The following MACF1 variants were observed in gnomAD, a reference collection of about 807,000 sequenced individuals.
MACF1 encodes microtubule actin crosslinking factor 1.
A neutral mutation model predicts 854.8 loss-of-function variants in MACF1; 193 were observed. The observed-to-expected ratio is 0.23, with a 90% confidence interval of 0.20 to 0.25. The LOEUF (loss-of-function observed/expected upper bound fraction) is 0.25. Ranked by LOEUF, MACF1 falls within the 10% of genes least tolerant of loss-of-function variation. The probability of loss-of-function intolerance (pLI) is 1.00; values close to 1 mark genes in which losing one functional copy is unlikely to be tolerated. For missense variants in MACF1, 7,722 were observed against 8,929.1 expected, an observed-to-expected ratio of 0.86 and a Z score of 5.45; for synonymous variants, 3,185 against 3,226.7, an observed-to-expected ratio of 0.99 and a Z score of 0.44.
At chr1:39,140,270 T>C (rs1412766577) in intron 2 of MACF1, among the ~76,000 whole-genome samples, 4 of 152,316 alleles carry the variant, frequency 2.6e-5, no homozygotes, top group Non-Finnish European at 4.4e-5. Context: ...CTAAATCTTA[T>C]GACCTCAAAT....
Position 39,315,553 on chromosome 1 carries a change from A to C in MACF1, c.3311A>C (p.Asp1104Ala). 6.2e-7 allele frequency: 1 copy of C among 1,614,142 alleles called. No individual in the cohort carries two copies. Among genetic ancestry groups the C allele is most frequent in the Non-Finnish European group, 8.5e-7 (1 of 1,180,000 alleles). ...TTACAGCAATTGAGGTCAGACTTGG[A>C]TGCAGTTTCTATGAAATGTGACAGC... Reference protein sequence around the residue: ...EDLQQLRSDLDAVSMKCDSFL... With the variant: ...EDLQQLRSDLAAVSMKCDSFL... The change falls in exon 27 of 101, where the codon GAT (aspartate) becomes GCT (alanine). Residue 1104 changes from aspartate (D) to alanine (A), a missense_variant. By Grantham distance (126) the Asp-to-Ala change is moderately radical. Around this residue, in one of 15 missense-constraint regions of MACF1, gnomAD observed 1,137 missense variants for 1,263.0 expected, o/e 0.90. Coordinates refer to ENST00000564288, the MANE Select transcript of MACF1 (RefSeq NM_001394062.1).
At chr1:39,316,279 G>A (rs1239821917) in intron 27 of MACF1, 112 bp from the exon 28 acceptor site, 2 of 788,134 alleles carry the variant, frequency 2.5e-6, no homozygotes, top group Non-Finnish European at 3.7e-6. Flanking sequence ...TAAAAATGGT[G>A]ACATTGATTT....
rs762379649 is a variant in MACF1 at position 39,284,308 on chromosome 1, T to A, written c.1036-25T>A. ...TTGGGTCCTATAGTTTGTGTCCATT[T>A]ATTCACCAAATATTAATTTTATAGG... is the stretch of plus-strand genomic sequence containing the variant. On this transcript the variant is annotated intron_variant, in intron 10 of 100. Transcript: ENST00000564288. 21 of 1,567,270 alleles carry A rather than the reference T, an allele frequency of 1.3e-5. No individual in the cohort carries two copies. The Admixed American group carries it at 4.1e-4, about 31-fold the overall frequency.
At chr1:39,452,935 A>G (rs780711107) in intron 87 of MACF1, 123 bp downstream of exon 87, 24 of 1,150,938 alleles carry the variant, frequency 2.1e-5, no homozygotes, top group Non-Finnish European at 2.9e-5. Flanking sequence ...ACAAAACCAG[A>G]GTGGCCCTAG....
intron 6 of MACF1, among the ~76,000 whole-genome samples, chr1:39,277,564 C>A (rs1434282647): frequency 6.6e-6 from 1 of 152,154 alleles, no homozygotes; most frequent in Admixed American, 6.6e-5. Flanking sequence ...TTGGGATAAT[C>A]ATATGTTAGT....
chr1:39,315,525 G>A lies in MACF1; in HGVS notation c.3283G>A (p.Asp1095Asn), dbSNP rs1646396577. 4 of 1,613,908 alleles carry A rather than the reference G, an allele frequency of 2.5e-6. No homozygotes were observed. The highest frequency in any genetic ancestry group is 3.4e-6 in the Non-Finnish European group (4 of 1,179,966). The change falls in exon 27 of 101, where the codon GAT becomes AAT. Residue 1095 changes from aspartate to asparagine, a missense_variant. Asp to Asn is a conservative substitution (Grantham distance 23, BLOSUM62 1). Around this residue, in one of 15 missense-constraint regions of MACF1, gnomAD observed 1,137 missense variants for 1,263.0 expected, o/e 0.90. Coordinates refer to ENST00000564288, the MANE Select transcript of MACF1 (RefSeq NM_001394062.1). ...RIAEQEHTQE[D>N]LQQLRSDLDA... ...TTGTTCCTGGCAGCACACCCAGGAG[G>A]ATTTACAGCAATTGAGGTCAGACTT...
At chr1:39,147,601 C>G (rs1346361860) in intron 2 of MACF1, among the ~76,000 whole-genome samples, 1 of 151,890 alleles carries the variant, frequency 6.6e-6, no homozygotes, top group Non-Finnish European at 1.5e-5. Flanking sequence ...CTCACTGCAA[C>G]CTGAACATCC....
chr1:39,198,539 T>C (rs1210088086), intron 2 of MACF1, among the ~76,000 whole-genome samples: 2 of 151,456 alleles, frequency 1.3e-5, no homozygotes, highest in African/African-American at 4.9e-5. Context: ...TAATCCCAGC[T>C]ACTCAGGAGG....
chr1:39,115,713 A>G (rs1314938062), intron 2 of MACF1, among the ~76,000 whole-genome samples: 1 of 152,054 alleles, frequency 6.6e-6, no homozygotes, highest in African/African-American at 2.4e-5. Flanking sequence ...TGGCTTTAGG[A>G]GTGTATGTAT....
rs1346193704 is a variant in MACF1, at chr1:39,381,382, G to GT, written c.13649-571_13649-570insT. On this transcript the variant is annotated intron_variant, in intron 55 of 100. Transcript: ENST00000564288. ...TTTTTTTTTTTTTTTTTTTTTTGGG[G>GT]GGGGGGACAGGGTCTTGCTCTGTCA... Among the ~76,000 whole-genome samples the GT allele has an allele frequency of 1.2e-4, 17 of 143,238 alleles. No individual in the cohort carries two copies. The South Asian group carries it at 2.3e-3, about 19-fold the overall frequency. The allele number at this position is 143,238 out of a possible 152,430, so 94.0% of individuals were successfully genotyped here.
In MACF1 at chr1:39,444,153, G is replaced by A. The variant is rs563697647; in HGVS notation, c.19432-509G>A. On this transcript the variant is annotated intron_variant, in intron 79 of 100. Transcript: ENST00000564288. ...GATCAAGACCATCCTGGCTAACATG[G>A]TGAAACCTCGTCTCTACTAAAAATA... 8.5e-5 allele frequency among the ~76,000 whole-genome samples: 13 copies of A among 152,204 alleles called. No homozygotes were observed. The South Asian group carries it at 2.3e-3, about 27-fold the overall frequency.
intron 58 of MACF1, 64 bp downstream of exon 58, chr1:39,388,722 C>G (rs1440889582): frequency 7.0e-7 from 1 of 1,430,964 alleles, no homozygotes; most frequent in Non-Finnish European, 9.3e-7. Flanking sequence ...ACTTGGAAAC[C>G]AGTCAAGTAT....
At chr1:39,197,674 C>T (rs2148256767) in intron 2 of MACF1, among the ~76,000 whole-genome samples, 1 of 151,322 alleles carries the variant, frequency 6.6e-6, no homozygotes, top group African/African-American at 2.4e-5. Flanking sequence ...CTCTTAAGGC[C>T]AGGAGTTTGA....
chr1:39,134,034 C>CTTTTT lies in MACF1; in HGVS notation c.220+49616_220+49620dup, dbSNP rs754585049. On this transcript the variant is annotated intron_variant, in intron 2 of 93. Coordinates refer to the MACF1 transcript ENST00000361689. ...TAGATATTATCATCAGAAGAACAGT[C>CTTTTT]TTTTTTTTTTTTTTTTTTTTTTTTG... is the stretch of plus-strand genomic sequence containing the variant. Among the ~76,000 whole-genome samples the CTTTTT allele has an allele frequency of 6.7e-4, 48 of 71,628 alleles. 1 individual carries two copies. Among genetic ancestry groups the CTTTTT allele is most frequent in the Non-Finnish European group, 8.6e-4 (37 of 42,880 alleles). 47.0% of individuals were successfully genotyped at this position (71,628 alleles called of 152,430 possible).
chr1:39,465,199 G>A, intron 95 of MACF1, 87 bp downstream of exon 95: 2 of 1,348,578 alleles, frequency 1.5e-6, no homozygotes, highest in Non-Finnish European at 1.1e-6. Context: ...GGGAGAGGAT[G>A]TAATCTGAAG....
rs1644534212 is a variant in MACF1 at position 39,460,540 on chromosome 1, C to T, written c.21361-92C>T. The T allele has an allele frequency of 5.4e-6, 6 of 1,102,686 alleles. No individual in the cohort carries two copies. The South Asian group carries it at 5.5e-5, about 10-fold the overall frequency. The allele number at this position is 1,102,686 out of a possible 1,614,324, so 68.3% of individuals were successfully genotyped here. ...TTGTTGATGGCCCCTGGAAGCATGGCTTTACTGAATGTCTGAAAGTTTGGG... is the reference window on the plus strand; with the variant it reads ...TTGTTGATGGCCCCTGGAAGCATGGTTTTACTGAATGTCTGAAAGTTTGGG... On this transcript the variant is annotated intron_variant, in intron 91 of 100. Transcript: ENST00000564288. This position sits in a 1 kb window ranked among gnomAD's most constrained non-coding sequence, Gnocchi z 4.1.
rs1413742220 is a variant in MACF1, at chr1:39,350,894, C to T, written c.11075C>T (p.Thr3692Ile). The change falls in exon 43 of 101, where the codon ACA (threonine) becomes ATA (isoleucine). Residue 3692 changes from threonine to isoleucine, a missense_variant. Physicochemically the swap from Thr to Ile is moderately conservative, Grantham distance 89. Transcript: ENST00000564288. ...NQTKLSPREL[T>I]ALREKLHQAK... ...ACCAAGCTGAGCCCACGTGAGTTGA[C>T]AGCTCTTCGGGAAAAGCTTCATCAG... is the stretch of plus-strand genomic sequence containing the variant. The T allele has an allele frequency of 6.2e-7, 1 of 1,613,982 alleles. No individual in the cohort carries two copies. The highest frequency in any genetic ancestry group is 8.5e-7 in the Non-Finnish European group (1 of 1,179,994).
chr1:39,410,039 T>C (rs1642916868), intron 58 of MACF1: 1 of 434,056 alleles, frequency 2.3e-6, no homozygotes, highest in Admixed American at 3.9e-5. Flanking sequence ...AATTATATCG[T>C]CTGTCAACCA....
chr1:39,171,921 C>G (rs144853621), intron 2 of MACF1, among the ~76,000 whole-genome samples: 2 of 152,250 alleles, frequency 1.3e-5, no homozygotes, highest in Non-Finnish European at 2.9e-5. Flanking sequence ...CCACCACGCC[C>G]GGCCCAGACA....
Sources: gnomAD v4.1 joint callset for allele counts (sites outside exome capture counted in the v4.1 genomes callset) on GRCh38, gnomAD v4.1.1 for gene constraint, gnomAD v4.1.1 regional missense constraint, Gnocchi (gnomAD v3.1) non-coding constraint, MANE v1.5 for transcripts, NCBI Gene and HGNC (gene_info 2026-07-23, HGNC 2026-07-21) for gene names.